FNBP1: variants seen among roughly 807,000 people sequenced by gnomAD.
FNBP1 encodes the protein formin binding protein 1.
In FNBP1, 26 loss-of-function variants were observed where a neutral mutation model predicts 90.6. The ratio of observed to expected loss-of-function variants is 0.29; its 90% CI spans 0.21 to 0.40. FNBP1 has a LOEUF of 0.40. Ranked by LOEUF, FNBP1 falls within the 10% of genes least tolerant of loss-of-function variation. The pLI is 1.00. For synonymous variants in FNBP1, 260 were observed against 265.2 expected (o/e 0.98, Z 0.19); for missense variants, 635 against 768.0 (o/e 0.83, Z 2.05).
chr9:129,965,683 A>AACACAC (rs202187436), intron 4 of FNBP1, among the ~76,000 whole-genome samples: 1 of 9,922 alleles, frequency 1.0e-4, no homozygotes, highest in African/African-American at 1.1e-4. Flanking sequence ...TCTCTCTTAA[A>AACACAC]ACACACACAC....
At position 129,919,099 on chromosome 9, in the gene FNBP1, G is replaced by C. The variant is rs1043838818; in HGVS notation, c.1171-3119C>G. The C allele has an allele frequency of 8.8e-5, 59 of 667,212 alleles. No individual in the cohort carries two copies. The African/African-American group carries it at 1.1e-3, about 12-fold the overall frequency. 41.3% of individuals were successfully genotyped at this position (667,212 alleles called of 1,614,324 possible). A position where few individuals can be genotyped will look rare whatever the true frequency, so the allele number is the denominator to read the frequency against. ...CCTCTGGGTCCCCAGTCTTGGTGCTGTGAATGGGGTTAGTGGCTGTGCCAT... is the reference window on the plus strand; with the variant it reads ...CCTCTGGGTCCCCAGTCTTGGTGCTCTGAATGGGGTTAGTGGCTGTGCCAT... On this transcript the variant is annotated intron_variant, in intron 10 of 16. Coordinates refer to ENST00000446176, the MANE Select transcript of FNBP1 (RefSeq NM_015033.3).
At chr9:129,923,198 T>G (rs576168989) in intron 10 of FNBP1, among the ~76,000 whole-genome samples, 10 of 151,804 alleles carry the variant, frequency 6.6e-5, no homozygotes, top group Non-Finnish European at 1.0e-4. Context: ...ATCTAAGTGG[T>G]TTTTTTTGGT....
the FNBP1 span, among the ~76,000 whole-genome samples, chr9:130,048,618 A>G: frequency 6.6e-6 from 1 of 150,540 alleles, no homozygotes; most frequent in South Asian, 2.1e-4. Flanking sequence ...AGCTGGGACT[A>G]CAGGCGCCCG....
rs1211103055 is a variant in FNBP1 at position 130,041,094 on chromosome 9, C to A, written c.24+1858G>T. Among the ~76,000 whole-genome samples, 1 of 151,362 alleles carries A rather than the reference C, an allele frequency of 6.6e-6. No homozygotes were observed. Among genetic ancestry groups the A allele is most frequent in the African/African-American group, 2.4e-5 (1 of 41,224 alleles). On this transcript the variant is annotated intron_variant, in intron 1 of 16. Coordinates refer to ENST00000446176, the MANE Select transcript of FNBP1 (RefSeq NM_015033.3). The surrounding 1 kb of genome is among the most constrained non-coding windows in gnomAD (Gnocchi z 4.3). The stretch of plus-strand genomic sequence containing the variant: ...CCAAAAGATCCTCCCGACTCAGCCT[C>A]CCAAGGTGCTGGCAATATAGGCCTG...
intron 1 of FNBP1, among the ~76,000 whole-genome samples, chr9:130,010,136 G>T (rs1354684511): frequency 1.3e-5 from 2 of 152,080 alleles, no homozygotes; most frequent in Admixed American, 6.6e-5. Flanking sequence ...CTTTCCACTG[G>T]CCAATTTAAG....
intron 8 of FNBP1, among the ~76,000 whole-genome samples, chr9:129,925,369 G>C: frequency 6.6e-6 from 1 of 151,586 alleles, no homozygotes; most frequent in East Asian, 2.0e-4. Flanking sequence ...AGCCAGGCGT[G>C]GTGGCGGGCG....
intron 1 of FNBP1, among the ~76,000 whole-genome samples, chr9:129,997,026 G>A (rs1305635135): frequency 2.0e-5 from 3 of 151,582 alleles, no homozygotes. Context: ...ACTTTATTAA[G>A]GTATGACTGA....
intron 13 of FNBP1, among the ~76,000 whole-genome samples, chr9:129,901,138 G>T (rs1421696065): frequency 2.6e-5 from 4 of 152,198 alleles, no homozygotes; most frequent in Non-Finnish European, 5.9e-5. Context: ...CGGGCGCGGT[G>T]GCCACACCTG....
At chr9:129,906,750 A>C (rs1206354080) in intron 12 of FNBP1, among the ~76,000 whole-genome samples, 1 of 152,132 alleles carries the variant, frequency 6.6e-6, no homozygotes, top group African/African-American at 2.4e-5. Flanking sequence ...AATGTTACTA[A>C]ATGTATAATT....
intron 16 of FNBP1, among the ~76,000 whole-genome samples, chr9:129,893,612 CAAAAAAAAA>C (rs1216398298): frequency 2.6e-3 from 58 of 22,314 alleles, no homozygotes; most frequent in Non-Finnish European, 3.8e-3. Context: ...GACTCTGTCT[CAAAAAAAAA>C]AAAAAAAAAA....
chr9:129,958,985 C>CAAAAAAAAAAAAAAAAAA (rs60640596), intron 4 of FNBP1, among the ~76,000 whole-genome samples: 864 of 9,140 alleles, frequency 0.095, 281 homozygotes, highest in Non-Finnish European at 0.11. Flanking sequence ...AACTCTGCCT[C>CAAAAAAAAAAAAAAAAAA]AAAAAAAAAA....
intron 15 of FNBP1, among the ~76,000 whole-genome samples, chr9:129,896,262 G>GT (rs374690519): frequency 1.1e-4 from 16 of 152,216 alleles, no homozygotes; most frequent in African/African-American, 3.9e-4. Flanking sequence ...TCCCAGAATG[G>GT]TAAGTATTTC....
Position 130,042,524 on chromosome 9 carries a change from G to A in FNBP1, c.24+428C>T, listed in dbSNP as rs955291310. Among the ~76,000 whole-genome samples the A allele has an allele frequency of 5.3e-5, 8 of 151,846 alleles. No individual in the cohort carries two copies. In the East Asian group the frequency reaches 1.6e-3, roughly 30 times the overall value. On this transcript the variant is annotated intron_variant, in intron 1 of 16. Coordinates refer to ENST00000446176, the MANE Select transcript of FNBP1 (RefSeq NM_015033.3). This position sits in a 1 kb window ranked among gnomAD's most constrained non-coding sequence, Gnocchi z 5.5. The stretch of plus-strand genomic sequence containing the variant: ...TCCGCCAGCGCCTCCGCGGAGCCAG[G>A]ACAGAACTCGCGGCCGGGGCGCCCC...
intron 4 of FNBP1, among the ~76,000 whole-genome samples, chr9:129,976,027 G>GTTAAGA (rs2050258962): frequency 6.6e-6 from 1 of 151,982 alleles, no homozygotes; most frequent in Non-Finnish European, 1.5e-5. Flanking sequence ...CCAGGATCAT[G>GTTAAGA]TTAAGATTTC....
At chr9:129,960,203 C>G (rs1419300109) in intron 4 of FNBP1, among the ~76,000 whole-genome samples, 1 of 151,402 alleles carries the variant, frequency 6.6e-6, no homozygotes, top group Non-Finnish European at 1.5e-5. Flanking sequence ...ATGGTGAAAC[C>G]CTGTCTCTAC....
At chr9:130,004,001 A>C (rs1225444461) in intron 1 of FNBP1, among the ~76,000 whole-genome samples, 7 of 151,844 alleles carry the variant, frequency 4.6e-5, no homozygotes, top group Non-Finnish European at 4.4e-5. Flanking sequence ...CTACATTCAG[A>C]AAAGCTATTT....
Position 129,889,570 on chromosome 9 carries a change from C to CAA in FNBP1, c.*967_*968dup, listed in dbSNP as rs397894225. The CAA allele has an allele frequency of 6.6e-3, 739 of 112,296 alleles. 1 individual carries two copies. The highest frequency in any genetic ancestry group is 0.014 in the African/African-American group (340 of 24,712). The allele number at this position is 112,296 out of a possible 1,614,324, so 7.0% of individuals were successfully genotyped here. ...GAACAATAGAGCGAGACTCCCGTCTCAAAAAAAAAAAAAAAACAACAACAA... is the reference window on the plus strand; with the variant it reads ...GAACAATAGAGCGAGACTCCCGTCTCAAAAAAAAAAAAAAAAAACAACAACAA... On this transcript the variant is annotated 3_prime_UTR_variant, in exon 17 of 17. Transcript: ENST00000446176.
intron 2 of FNBP1, among the ~76,000 whole-genome samples, chr9:129,981,418 T>C (rs149838934): frequency 6.6e-6 from 1 of 152,206 alleles, no homozygotes; most frequent in Non-Finnish European, 1.5e-5. Flanking sequence ...AGGAACTCCA[T>C]GTGTCAGCAT....
intron 8 of FNBP1, among the ~76,000 whole-genome samples, chr9:129,925,790 C>T (rs1350377255): frequency 6.6e-6 from 1 of 150,886 alleles, no homozygotes; most frequent in African/African-American, 2.4e-5. Flanking sequence ...GATGGGGTTT[C>T]GCCATGTTGG....
Sources: allele counts gnomAD v4.1 joint callset (sites outside exome capture counted in the v4.1 genomes callset), GRCh38; gene constraint gnomAD v4.1.1; non-coding constraint Gnocchi (gnomAD v3.1); transcripts MANE v1.5; gene names NCBI Gene and HGNC (gene_info 2026-07-23, HGNC 2026-07-21).